Variants in LRRC53 observed in about 807,000 individuals in gnomAD.
The protein encoded by LRRC53 is leucine rich repeat containing 53, also known as leucine-rich repeat-containing protein 53.
In LRRC53, 25 loss-of-function variants were observed where a neutral mutation model predicts 13.6. The observed-to-expected ratio is 1.83, with a 90% CI of 1.34 to 2.56. The LOEUF is 2.56. LRRC53 is among the 30% of genes most tolerant of loss of function. The pLI, the probability that LRRC53 is intolerant of heterozygous loss-of-function variation, is 0.00. For missense variants in LRRC53, 527 were observed against 275.8 expected (o/e 1.91, Z -6.45); for synonymous variants, 204 against 109.8 (o/e 1.86, Z -5.37).
At chr1:74,493,706 A>G (rs1395331229) in intron 1 of LRRC53, among the ~76,000 whole-genome samples, 5 of 152,142 alleles carry the variant, frequency 3.3e-5, no homozygotes, top group Non-Finnish European at 7.3e-5. Context: ...TGGGTCTATC[A>G]ACCTCCTTGG....
the LRRC53 span, among the ~76,000 whole-genome samples, chr1:74,524,356 A>G: frequency 6.6e-6 from 1 of 152,214 alleles, no homozygotes; most frequent in Non-Finnish European, 1.5e-5. Flanking sequence ...ATTAGATAGC[A>G]AAGTGCAAGT....
chr1:74,491,424 T>G (rs12097159), intron 1 of LRRC53, among the ~76,000 whole-genome samples: 4,856 of 152,270 alleles, frequency 0.032, 196 homozygotes, highest in East Asian at 0.15. Context: ...TTCACCATGT[T>G]GACCAGATGG....
chr1:74,519,130 G>A, the LRRC53 span, among the ~76,000 whole-genome samples: 182 of 93,382 alleles, frequency 1.9e-3, 3 homozygotes, highest in Middle Eastern at 0.038. Flanking sequence ...AGAATATGCG[G>A]TGTTTGGTTT....
chr1:74,491,064 C>T (rs767562823), intron 1 of LRRC53, among the ~76,000 whole-genome samples: 1 of 151,954 alleles, frequency 6.6e-6, no homozygotes, highest in Non-Finnish European at 1.5e-5. Flanking sequence ...TGTCTGTGAG[C>T]CTTTTAAAGG....
At chr1:74,502,736 C>T (rs1016533812) in intron 1 of LRRC53, among the ~76,000 whole-genome samples, 11 of 152,164 alleles carry the variant, frequency 7.2e-5, no homozygotes, top group Non-Finnish European at 1.3e-4. Flanking sequence ...GCCACTTTGC[C>T]TCAGCTTATG....
chr1:74,521,470 C>G, the LRRC53 span, among the ~76,000 whole-genome samples: 1 of 120,824 alleles, frequency 8.3e-6, no homozygotes, highest in East Asian at 2.0e-4. Context: ...TACCTTATCT[C>G]TCTCACACAC....
the LRRC53 span, among the ~76,000 whole-genome samples, chr1:74,524,255 A>G: frequency 1.1e-4 from 17 of 152,366 alleles, no homozygotes; most frequent in African/African-American, 4.1e-4. Flanking sequence ...GGGAATTTTA[A>G]CAGCCTGATC....
rs1361143009 is a variant in LRRC53, at chr1:74,492,417, A to C, written c.-26-9042T>G. 3.1e-5 allele frequency: 34 copies of C among 1,094,200 alleles called. No homozygotes were observed. The African/African-American group carries it at 4.2e-4, about 13-fold the overall frequency. The allele number at this position is 1,094,200 out of a possible 1,614,324, so 67.8% of individuals were successfully genotyped here. A position where few individuals can be genotyped will look rare whatever the true frequency, so the allele number is the denominator to read the frequency against. ...TTCAGCCCATTTTTCTTACGTTATG[A>C]CTAAAAATTAGAAATTTTATTATCT... On this transcript the variant is annotated intron_variant, in intron 1 of 4. Transcript: ENST00000294635.
At chr1:74,479,756 T>C (rs184432052) in intron 3 of LRRC53, among the ~76,000 whole-genome samples, 58 of 152,292 alleles carry the variant, frequency 3.8e-4, no homozygotes, top group African/African-American at 1.1e-3. Flanking sequence ...GTCCCATCAG[T>C]TTTTAAATAT....
the LRRC53 span, among the ~76,000 whole-genome samples, chr1:74,526,063 A>AG: frequency 6.6e-6 from 1 of 152,248 alleles, no homozygotes; most frequent in East Asian, 1.9e-4. Context: ...AACAAAAAAA[A>AG]CAGTGCTTGT....
At position 74,480,224 on chromosome 1, in the gene LRRC53, A is replaced by G. The variant is rs1276879357; in HGVS notation, c.833T>C (p.Leu278Pro). Residue 278 changes from leucine (L) to proline (P), a missense_variant, in exon 3 of 5, where the codon CTG becomes CCG. By Grantham distance (98) the Leu-to-Pro change is moderately conservative. Coordinates refer to ENST00000294635, the MANE Select transcript of LRRC53 (RefSeq NM_001382280.1). ...GAGGGGACTTCTGTCCTTTAGAACCAGAGTGAAGTTGGGAGCTTTGGAATC... is the reference window on the plus strand; with the variant it reads ...GAGGGGACTTCTGTCCTTTAGAACCGGAGTGAAGTTGGGAGCTTTGGAATC... The part of the protein sequence containing the change: ...NCDSKAPNFT[L>P]VLKDRSPLLP... 1.4e-6 allele frequency: 1 copy of G among 717,428 alleles called. No individual in the cohort carries two copies. The highest frequency in any genetic ancestry group is 2.6e-6 in the Non-Finnish European group (1 of 385,104). 44.4% of individuals were successfully genotyped at this position (717,428 alleles called of 1,614,324 possible).
At position 74,475,719 on chromosome 1, in the gene LRRC53, A is replaced by T. The variant is rs1448118299; in HGVS notation, c.996T>A (p.Cys332Ter). The T allele has an allele frequency of 5.7e-6, 4 of 696,076 alleles. No homozygotes were observed. The allele number at this position is 696,076 out of a possible 1,614,324, so 43.1% of individuals were successfully genotyped here. A position where few individuals can be genotyped will look rare whatever the true frequency, so the allele number is the denominator to read the frequency against. Reference protein sequence around the residue: ...KANEHTSENLCCRTFDEPLCA... With the variant: ...KANEHTSENL ...ACAGGGGTTCATCGAAGGTTCTGCA[A>T]CAAAGGTTTTCTGATGTGTGTTCAT... Residue 332 changes from cysteine (C) to a stop codon, truncating the protein, a stop_gained, in exon 4 of 5, where the codon TGT (cysteine) becomes TGA (stop). Coordinates refer to ENST00000294635, the MANE Select transcript of LRRC53 (RefSeq NM_001382280.1). LOFTEE classifies it high-confidence loss of function.
chr1:74,512,284 G>A (rs1670268531), intron 1 of LRRC53, among the ~76,000 whole-genome samples: 1 of 152,162 alleles, frequency 6.6e-6, no homozygotes, highest in Admixed American at 6.5e-5. Context: ...GAGTGACATA[G>A]ACACAGTAGA....
At chr1:74,492,696 C>G (rs1448313229) in intron 1 of LRRC53, among the ~76,000 whole-genome samples, 2 of 152,086 alleles carry the variant, frequency 1.3e-5, no homozygotes, top group Non-Finnish European at 2.9e-5. Flanking sequence ...GAAATAGGTA[C>G]TTAAACAAAT....
At chr1:74,516,116 T>A (rs949930725), upstream of LRRC53, among the ~76,000 whole-genome samples, 1 of 152,232 alleles carries the variant, frequency 6.6e-6, no homozygotes, top group Non-Finnish European at 1.5e-5. Context: ...AGGTCTGAAG[T>A]GCAAATCATC....
At position 74,471,744 on chromosome 1, in the gene LRRC53, T is replaced by C; in HGVS notation, c.1878A>G (p.Ser626=). The C allele has an allele frequency of 2.5e-6, 1 of 403,578 alleles. No homozygotes were observed. Among genetic ancestry groups the C allele is most frequent in the East Asian group, 3.6e-5 (1 of 28,154 alleles). The allele number at this position is 403,578 out of a possible 1,614,324, so 25.0% of individuals were successfully genotyped here. ...GGGAATATGCTTTCTTGGTTTTTGTTGATAATCCTGATAAATCTATGTTGT... is the reference window on the plus strand; with the variant it reads ...GGGAATATGCTTTCTTGGTTTTTGTCGATAATCCTGATAAATCTATGTTGT... The part of the protein sequence containing the change: ...SEDNIDLSGL[S]TKTKKAYSPK... Residue 626 remains serine, a synonymous_variant, in exon 5 of 5, where the codon TCA becomes TCG. Transcript: ENST00000294635.
At position 74,471,746 on chromosome 1, in the gene LRRC53, A is replaced by T. The variant is rs1258827727; in HGVS notation, c.1876T>A (p.Ser626Thr). Reference sequence around the variant, plus strand: ...GAATATGCTTTCTTGGTTTTTGTTGATAATCCTGATAAATCTATGTTGTCC... The same window carrying T: ...GAATATGCTTTCTTGGTTTTTGTTGTTAATCCTGATAAATCTATGTTGTCC... ...SEDNIDLSGL[S>T]TKTKKAYSPK... Residue 626 changes from serine to threonine, a missense_variant, in exon 5 of 5, where the codon TCA becomes ACA. By Grantham distance (58) the Ser-to-Thr change is moderately conservative (BLOSUM62 1). Coordinates refer to ENST00000294635, the MANE Select transcript of LRRC53 (RefSeq NM_001382280.1). 2.5e-6 allele frequency: 1 copy of T among 403,658 alleles called. No homozygotes were observed. Among genetic ancestry groups the T allele is most frequent in the Admixed American group, 4.4e-5 (1 of 22,880 alleles). 25.0% of individuals were successfully genotyped at this position (403,658 alleles called of 1,614,324 possible). A position where few individuals can be genotyped will look rare whatever the true frequency, so the allele number is the denominator to read the frequency against.
In LRRC53 at chr1:74,475,116, C is replaced by CCACACACACA. The variant is rs3058791; in HGVS notation, c.1420+169_1420+178dup. Among the ~76,000 whole-genome samples, 911 of 135,970 alleles carry CCACACACACA rather than the reference C, an allele frequency of 6.7e-3. 9 individuals carry two copies. The highest frequency in any genetic ancestry group is 0.025 in the East Asian group (110 of 4,398). The allele number at this position is 135,970 out of a possible 152,430, so 89.2% of individuals were successfully genotyped here. On this transcript the variant is annotated intron_variant, in intron 4 of 4. Coordinates refer to ENST00000294635, the MANE Select transcript of LRRC53 (RefSeq NM_001382280.1). ...AAGAACACTTCATCTCCACCTCAGC[C>CCACACACACA]CACACACACACACACACACACACAC...
chr1:74,536,691 T>A, the LRRC53 span, among the ~76,000 whole-genome samples: 1 of 152,178 alleles, frequency 6.6e-6, no homozygotes, highest in Admixed American at 6.6e-5. Context: ...TAGGAGCTAA[T>A]AATTCATATA....
Sources: allele counts gnomAD v4.1 joint callset (sites outside exome capture counted in the v4.1 genomes callset), GRCh38; gene constraint gnomAD v4.1.1; transcripts MANE v1.5; gene names NCBI Gene and HGNC (gene_info 2026-07-23, HGNC 2026-07-21).